Variants in YPEL1 observed in about 807,000 individuals in gnomAD.
YPEL1 encodes the protein yippee like 1, also known as protein yippee-like 1.
A neutral mutation model predicts 17.3 loss-of-function variants in YPEL1; 7 were observed. The ratio of observed to expected loss-of-function variants is 0.40; its 90% CI spans 0.23 to 0.76. The LOEUF is 0.76. YPEL1 is among the 30% of genes least tolerant of loss of function. YPEL1 has a pLI of 0.35. For missense variants in YPEL1, 91 were observed against 155.5 expected (o/e 0.59, Z 2.21); for synonymous variants, 59 against 59.6 (o/e 0.99, Z 0.05).
At chr22:21,725,172 G>A (rs1377051877) in intron 1 of YPEL1, among the ~76,000 whole-genome samples, 3 of 150,766 alleles carry the variant, frequency 2.0e-5, no homozygotes, top group Non-Finnish European at 4.4e-5. Flanking sequence ...GCCTCACAAA[G>A]TGTTGGGATT....
chr22:21,723,772 T>G (rs189522285), intron 1 of YPEL1, among the ~76,000 whole-genome samples: 4 of 151,948 alleles, frequency 2.6e-5, no homozygotes, highest in Admixed American at 2.6e-4. Flanking sequence ...TTCAAACGAT[T>G]CTCCTGCCTA....
chr22:21,730,946 G>A (rs1027152200), intron 1 of YPEL1, among the ~76,000 whole-genome samples: 8 of 152,170 alleles, frequency 5.3e-5, no homozygotes, highest in African/African-American at 1.4e-4. Flanking sequence ...CCTCTCCTGA[G>A]ACTACTGATA....
intron 1 of YPEL1, among the ~76,000 whole-genome samples, chr22:21,731,244 T>C (rs2068382636): frequency 6.6e-6 from 1 of 151,384 alleles, no homozygotes. Flanking sequence ...CCAGGTGTGG[T>C]GGCACGTGCC....
chr22:21,705,246 C>G (rs912747199), intron 2 of YPEL1, among the ~76,000 whole-genome samples: 4 of 152,148 alleles, frequency 2.6e-5, no homozygotes, highest in African/African-American at 9.7e-5. Flanking sequence ...CCCCAAGTGA[C>G]GGGATTGCAG....
In YPEL1 at chr22:21,703,604, G is replaced by A. The variant is rs777866776; in HGVS notation, c.162-126C>T. 30 of 915,658 alleles carry A rather than the reference G, an allele frequency of 3.3e-5. No homozygotes were observed. The highest frequency in any genetic ancestry group is 3.1e-4 in the Middle Eastern group (1 of 3,222). The allele number at this position is 915,658 out of a possible 1,614,324, so 56.7% of individuals were successfully genotyped here. A position where few individuals can be genotyped will look rare whatever the true frequency, so the allele number is the denominator to read the frequency against. Reference sequence around the variant, plus strand: ...AAAACAGGGAAACTCCCAGAGAGCAGTGCCGTGCCTCTCCCCCAGCCCTGC... The same window carrying A: ...AAAACAGGGAAACTCCCAGAGAGCAATGCCGTGCCTCTCCCCCAGCCCTGC... On this transcript the variant is annotated intron_variant, in intron 3 of 4. Coordinates refer to ENST00000339468, the MANE Select transcript of YPEL1 (RefSeq NM_013313.5). This position sits in a 1 kb window ranked among gnomAD's most constrained non-coding sequence, Gnocchi z 6.1.
At chr22:21,734,277 G>A (rs1251497722) in intron 1 of YPEL1, among the ~76,000 whole-genome samples, 2 of 152,152 alleles carry the variant, frequency 1.3e-5, no homozygotes, top group African/African-American at 4.8e-5. Flanking sequence ...AGGTGAAAAG[G>A]CTTAATACCC....
chr22:21,731,537 GGGAAAA>G (rs947456012), intron 1 of YPEL1, among the ~76,000 whole-genome samples: 2 of 80,958 alleles, frequency 2.5e-5, no homozygotes. Flanking sequence ...AAGAGAAGGG[GGGAAAA>G]AAAAAAAAAA....
chr22:21,721,867 A>T (rs939058604), intron 1 of YPEL1, among the ~76,000 whole-genome samples: 2 of 152,126 alleles, frequency 1.3e-5, no homozygotes, highest in Admixed American at 6.6e-5. Flanking sequence ...TGGATTAATA[A>T]ATTCCCATTT....
Position 21,710,839 on chromosome 22 carries a change from G to A in YPEL1, c.-95C>T, listed in dbSNP as rs1016628680. Reference sequence around the variant, plus strand: ...ACAAAAGCAACACTGGAAAATGCACGCAAGAGCCGTCGTTGTCCAGGAGGG... The same window carrying A: ...ACAAAAGCAACACTGGAAAATGCACACAAGAGCCGTCGTTGTCCAGGAGGG... On this transcript the variant is annotated 5_prime_UTR_variant, in exon 2 of 5. Transcript: ENST00000339468. 6 of 1,119,356 alleles carry A rather than the reference G, an allele frequency of 5.4e-6. No homozygotes were observed. The highest frequency in any genetic ancestry group is 1.7e-5 in the Admixed American group (1 of 59,108). The allele number at this position is 1,119,356 out of a possible 1,614,324, so 69.3% of individuals were successfully genotyped here.
At chr22:21,722,549 G>A (rs1471279590) in intron 1 of YPEL1, among the ~76,000 whole-genome samples, 3 of 152,078 alleles carry the variant, frequency 2.0e-5, no homozygotes, top group African/African-American at 7.2e-5. Flanking sequence ...CCTGGGAGAC[G>A]GAGATTGCAG....
chr22:21,707,224 C>T (rs1300611900), intron 2 of YPEL1, among the ~76,000 whole-genome samples: 1 of 152,126 alleles, frequency 6.6e-6, no homozygotes, highest in African/African-American at 2.4e-5. Context: ...TCGAGACCAG[C>T]CTGGACAACA....
chr22:21,726,495 G>T (rs952135336), intron 1 of YPEL1, among the ~76,000 whole-genome samples: 1 of 152,106 alleles, frequency 6.6e-6, no homozygotes, highest in Non-Finnish European at 1.5e-5. Context: ...CTCCGCTCTC[G>T]GTCCCACCTG....
intron 1 of YPEL1, 85 bp from the exon 2 acceptor site, chr22:21,710,993 C>G: frequency 2.2e-6 from 1 of 459,492 alleles, no homozygotes; most frequent in East Asian, 3.7e-5. Context: ...TGTTGTGAAG[C>G]AACACGCGGG....
chr22:21,725,992 G>A (rs1048103519), intron 1 of YPEL1, among the ~76,000 whole-genome samples: 2 of 152,078 alleles, frequency 1.3e-5, no homozygotes, highest in Non-Finnish European at 2.9e-5. Context: ...GACCGAGACC[G>A]TGTCCAAAAA....
chr22:21,726,757 C>T (rs1470113720), intron 1 of YPEL1, among the ~76,000 whole-genome samples: 2 of 152,084 alleles, frequency 1.3e-5, no homozygotes, highest in East Asian at 3.9e-4. Context: ...CCTGGGCTGT[C>T]CCCACAGCAA....
intron 1 of YPEL1, among the ~76,000 whole-genome samples, chr22:21,713,575 CA>C (rs2068192175): frequency 6.6e-6 from 1 of 152,148 alleles, no homozygotes; most frequent in Admixed American, 6.6e-5. Flanking sequence ...AAAGAGCTGC[CA>C]GGGGCAGGGG....
chr22:21,715,761 CTT>C lies in YPEL1; in HGVS notation c.-164-4855_-164-4854del, dbSNP rs746097162. ...CACACCTAATTTTTCTTTTTCTTTT[CTT>C]TTTTTTTTTTTTTTTTTGAGACAGA... On this transcript the variant is annotated intron_variant, in intron 1 of 4. Transcript: ENST00000339468. 7.9e-3 allele frequency among the ~76,000 whole-genome samples: 673 copies of C among 85,718 alleles called. 5 individuals carry two copies. The highest frequency in any genetic ancestry group is 0.01 in the Non-Finnish European group (426 of 42,068). 56.2% of individuals were successfully genotyped at this position (85,718 alleles called of 152,430 possible).
intron 1 of YPEL1, 72 bp from the exon 2 acceptor site, chr22:21,710,980 A>C: frequency 2.0e-6 from 1 of 490,616 alleles, no homozygotes. Flanking sequence ...TATGGGATTC[A>C]TGTGTTGTGA....
rs993406838 is a variant in YPEL1, at chr22:21,698,778, C to G, written c.*2351G>C. 6.6e-6 allele frequency: 1 copy of G among 152,418 alleles called. No individual in the cohort carries two copies. The highest frequency in any genetic ancestry group is 1.5e-5 in the Non-Finnish European group (1 of 68,084). The allele number at this position is 152,418 out of a possible 1,614,324, so 9.4% of individuals were successfully genotyped here. A position where few individuals can be genotyped will look rare whatever the true frequency, so the allele number is the denominator to read the frequency against. ...GGCTTGAGACCATGGCAGCAAGAGC[C>G]CTGCAGCGTGCAGTGACCCCTGCGC... On this transcript the variant is annotated 3_prime_UTR_variant, in exon 5 of 5. Coordinates refer to ENST00000339468, the MANE Select transcript of YPEL1 (RefSeq NM_013313.5).
Sources: gnomAD v4.1 joint callset for allele counts (sites outside exome capture counted in the v4.1 genomes callset) on GRCh38, gnomAD v4.1.1 for gene constraint, Gnocchi (gnomAD v3.1) non-coding constraint, MANE v1.5 for transcripts, NCBI Gene and HGNC (gene_info 2026-07-23, HGNC 2026-07-21) for gene names.